Variants in SPECC1 observed in about 807,000 individuals in gnomAD.
The protein encoded by SPECC1 is sperm antigen with calponin homology and coiled-coil domains 1, also known as cytospin-B.
SPECC1 carries 62 observed loss-of-function variants against 104.1 expected under a neutral mutation model. The ratio of observed to expected loss-of-function variants is 0.60; its 90% CI spans 0.49 to 0.74. The LOEUF (loss-of-function observed/expected upper bound fraction) is 0.74, where lower values mean the gene tolerates loss of function less well. Ranked by LOEUF, SPECC1 falls within the 30% of genes least tolerant of loss-of-function variation. SPECC1 has a pLI of 0.00. For synonymous variants in SPECC1, 513 were observed against 501.6 expected (o/e 1.02, Z -0.30); for missense variants, 1,306 against 1,310.5 (o/e 1.00, Z 0.05).
At chr17:20,113,829 C>A (rs1229758956) in intron 3 of SPECC1, among the ~76,000 whole-genome samples, 1 of 152,226 alleles carries the variant, frequency 6.6e-6, no homozygotes, top group Non-Finnish European at 1.5e-5. Context: ...ATACAATCAG[C>A]ACAAGCATAG....
intron 3 of SPECC1, among the ~76,000 whole-genome samples, chr17:20,169,278 A>AG (rs2033904121): frequency 6.6e-6 from 1 of 152,206 alleles, no homozygotes; most frequent in Admixed American, 6.5e-5. Context: ...CTATCTACTC[A>AG]GGGGCATAGA....
intron 12 of SPECC1, among the ~76,000 whole-genome samples, chr17:20,280,499 T>C (rs922175215): frequency 5.9e-5 from 9 of 152,100 alleles, no homozygotes; most frequent in African/African-American, 2.2e-4. Context: ...CTATATATCT[T>C]GGTAAGGGTG....
At chr17:20,154,256 A>T (rs2032264254) in intron 3 of SPECC1, among the ~76,000 whole-genome samples, 1 of 152,212 alleles carries the variant, frequency 6.6e-6, no homozygotes, top group South Asian at 2.1e-4. Flanking sequence ...GATCAGTGTC[A>T]CAGAGGCCAG....
intron 1 of SPECC1, among the ~76,000 whole-genome samples, chr17:20,063,210 A>G (rs1283164776): frequency 6.6e-6 from 1 of 152,156 alleles, no homozygotes; most frequent in Non-Finnish European, 1.5e-5. Context: ...TGGGTTAAGC[A>G]TCTTTTCTTA....
chr17:20,260,301 G>T lies in SPECC1; in HGVS notation c.2940+7G>T. The T allele has an allele frequency of 1.2e-6, 2 of 1,612,498 alleles. No homozygotes were observed. Among genetic ancestry groups the T allele is most frequent in the Non-Finnish European group, 1.7e-6 (2 of 1,178,850 alleles). Reference sequence around the variant, plus strand: ...GAAGACACAAGGTTATGCGGTAAGGGACAACATCAGCCAACTTCCAGCTGC... The same window carrying T: ...GAAGACACAAGGTTATGCGGTAAGGTACAACATCAGCCAACTTCCAGCTGC... On this transcript the variant is annotated splice_region_variant and intron_variant, in intron 12 of 14. Transcript: ENST00000395527.
rs748866393 is a variant in SPECC1 at position 20,204,827 on chromosome 17, T to C, written c.778T>C (p.Ser260Pro). The change falls in exon 4 of 15, where the codon TCC (serine) becomes CCC (proline). Residue 260 changes from serine (S) to proline (P), a missense_variant. By Grantham distance (74) the Ser-to-Pro change is moderately conservative. This residue lies in a region of SPECC1 where 1,177 missense variants were observed against 1,139.9 expected (regional missense o/e 1.03). Coordinates refer to ENST00000395527, the MANE Select transcript of SPECC1 (RefSeq NM_001243439.2). The stretch of plus-strand genomic sequence containing the variant: ...GGAGAAACTGATCTATCTTGAGCAC[T>C]CCCCAAATTCAGAAGGGGCAGCAAG... ...LKEKLIYLEH[S>P]PNSEGAASHT... 1 of 1,613,926 alleles carries C rather than the reference T, an allele frequency of 6.2e-7. No homozygotes were observed. Among genetic ancestry groups the C allele is most frequent in the South Asian group, 1.1e-5 (1 of 91,072 alleles).
chr17:20,288,489 A>G (rs2041037680), intron 12 of SPECC1, among the ~76,000 whole-genome samples: 1 of 152,224 alleles, frequency 6.6e-6, no homozygotes, highest in African/African-American at 2.4e-5. Flanking sequence ...AAAAACCTCA[A>G]CATCACTGAT....
chr17:20,297,983 G>A (rs1304879854), intron 13 of SPECC1, among the ~76,000 whole-genome samples: 2 of 152,242 alleles, frequency 1.3e-5, no homozygotes, highest in Non-Finnish European at 2.9e-5. Flanking sequence ...TAAGAGCCCA[G>A]AGAGAAACTC....
At chr17:20,059,465 C>G (rs1251444340) in intron 1 of SPECC1, among the ~76,000 whole-genome samples, 3 of 152,084 alleles carry the variant, frequency 2.0e-5, no homozygotes, top group Non-Finnish European at 1.5e-5. Flanking sequence ...TGGCCCGGTT[C>G]CTAACAGGCT....
intron 1 of SPECC1, among the ~76,000 whole-genome samples, chr17:20,012,334 A>C (rs1039303720): frequency 6.6e-6 from 1 of 152,000 alleles, no homozygotes; most frequent in African/African-American, 2.4e-5. Context: ...ACCTGTTGAT[A>C]TGGAGAGTTG....
chr17:20,307,492 A>T (rs2041802691), intron 14 of SPECC1, among the ~76,000 whole-genome samples: 1 of 152,182 alleles, frequency 6.6e-6, no homozygotes, highest in African/African-American at 2.4e-5. Context: ...TAAAGAATGA[A>T]AGTGAAAGGC....
chr17:20,100,480 A>G (rs1280892855), intron 2 of SPECC1, among the ~76,000 whole-genome samples: 5 of 152,200 alleles, frequency 3.3e-5, no homozygotes, highest in Non-Finnish European at 7.3e-5. Flanking sequence ...ATCCCACAGC[A>G]GACACCATAG....
intron 3 of SPECC1, among the ~76,000 whole-genome samples, chr17:20,166,297 A>T (rs1453786070): frequency 2.0e-5 from 3 of 152,230 alleles, no homozygotes; most frequent in Non-Finnish European, 2.9e-5. Context: ...GTCTTACACA[A>T]ACCATTTTTT....
intron 10 of SPECC1, 111 bp from the exon 11 acceptor site, chr17:20,257,340 A>T (rs770540192): frequency 8.0e-7 from 1 of 1,248,660 alleles, no homozygotes; most frequent in African/African-American, 1.5e-5. Context: ...AACTATATAT[A>T]TGTTTGCACT....
chr17:20,114,938 G>C (rs1324782913), intron 3 of SPECC1, among the ~76,000 whole-genome samples: 1 of 152,078 alleles, frequency 6.6e-6, no homozygotes, highest in Non-Finnish European at 1.5e-5. Context: ...ATCAACATTT[G>C]CCTAAATTAT....
intron 3 of SPECC1, among the ~76,000 whole-genome samples, chr17:20,183,738 A>G (rs1259167488): frequency 6.6e-6 from 1 of 152,192 alleles, no homozygotes; most frequent in African/African-American, 2.4e-5. Context: ...AATGACAAGA[A>G]AAACATGTCT....
chr17:20,314,387 G>A lies in SPECC1; in HGVS notation c.*322G>A, dbSNP rs1457468428. The A allele has an allele frequency of 2.0e-5, 7 of 344,052 alleles. No individual in the cohort carries two copies. The highest frequency in any genetic ancestry group is 7.9e-5 in the African/African-American group (4 of 50,366). 21.3% of individuals were successfully genotyped at this position (344,052 alleles called of 1,614,324 possible). A position where few individuals can be genotyped will look rare whatever the true frequency, so the allele number is the denominator to read the frequency against. ...TGCTGATTATATTGGGTGGCTGAACGAACACATTATCTGCAGAAATTCAGA... is the reference window on the plus strand; with the variant it reads ...TGCTGATTATATTGGGTGGCTGAACAAACACATTATCTGCAGAAATTCAGA... On this transcript the variant is annotated 3_prime_UTR_variant, in exon 15 of 15. Coordinates refer to ENST00000395527, the MANE Select transcript of SPECC1 (RefSeq NM_001243439.2).
At chr17:20,086,125 T>C (rs1325695086) in intron 1 of SPECC1, among the ~76,000 whole-genome samples, 2 of 152,150 alleles carry the variant, frequency 1.3e-5, no homozygotes, top group Admixed American at 1.3e-4. Context: ...CTGCCTGCAG[T>C]CCCACTGCTG....
At chr17:20,156,263 C>T (rs2032501497) in intron 3 of SPECC1, 2 of 1,322,684 alleles carry the variant, frequency 1.5e-6, no homozygotes, top group African/African-American at 1.8e-5. Flanking sequence ...GGGGTCGCGC[C>T]GCAGCCGCAA....
Sources: gnomAD v4.1 joint callset for allele counts (sites outside exome capture counted in the v4.1 genomes callset) on GRCh38, gnomAD v4.1.1 for gene constraint, gnomAD v4.1.1 regional missense constraint, MANE v1.5 for transcripts, NCBI Gene and HGNC (gene_info 2026-07-23, HGNC 2026-07-21) for gene names.